Variants in FOXK2 observed in about 807,000 individuals in gnomAD.
The protein encoded by FOXK2 is forkhead box protein K2.
Under a neutral mutation model 53.3 loss-of-function variants are expected in FOXK2, and 24 were observed. The observed-to-expected ratio is 0.45, with a 90% CI of 0.33 to 0.63. The LOEUF is 0.63. FOXK2 is among the 30% of genes least tolerant of loss of function. The pLI, the probability that FOXK2 is intolerant of heterozygous loss-of-function variation, is 0.03. For synonymous variants in FOXK2, 505 were observed against 407.1 expected, an observed-to-expected ratio of 1.24 and a Z score of -2.89; for missense variants, 952 against 910.5, an observed-to-expected ratio of 1.05 and a Z score of -0.59.
At chr17:82,575,710 G>A (rs1456807602) in intron 4 of FOXK2, among the ~76,000 whole-genome samples, 3 of 152,174 alleles carry the variant, frequency 2.0e-5, no homozygotes, top group Non-Finnish European at 4.4e-5. Flanking sequence ...TGCTACAGCC[G>A]AGACAAGCTG....
At chr17:82,587,510 G>C in intron 8 of FOXK2, 1 of 544,750 alleles carries the variant, frequency 1.8e-6, no homozygotes, top group South Asian at 2.1e-5. Flanking sequence ...ACATTGAGAG[G>C]GAAAAATACT....
chr17:82,549,574 CA>C (rs2044656677), intron 1 of FOXK2, among the ~76,000 whole-genome samples: 1 of 152,054 alleles, frequency 6.6e-6, no homozygotes, highest in African/African-American at 2.4e-5. Flanking sequence ...AGATGGGGGG[CA>C]AAACCCCCCA....
intron 1 of FOXK2, among the ~76,000 whole-genome samples, chr17:82,555,018 G>A (rs1262805509): frequency 6.6e-6 from 1 of 152,198 alleles, no homozygotes; most frequent in Admixed American, 6.5e-5. Context: ...CAAAGTGCTG[G>A]GATTACAGGC....
intron 8 of FOXK2, chr17:82,599,742 C>A (rs1056637428): frequency 2.6e-4 from 39 of 152,370 alleles, no homozygotes; most frequent in African/African-American, 9.4e-4. Context: ...GACCTGGGGG[C>A]GGAGGTCGGT....
chr17:82,585,999 A>G lies in FOXK2; in HGVS notation c.1375A>G (p.Thr459Ala), dbSNP rs777948303. The G allele has an allele frequency of 6.3e-5, 102 of 1,612,638 alleles. No individual in the cohort carries two copies. The highest frequency in any genetic ancestry group is 1.6e-4 in the Middle Eastern group (1 of 6,084). The change falls in exon 7 of 9, where the codon ACC becomes GCC. Residue 459 changes from threonine to alanine, a missense_variant. Coordinates refer to ENST00000335255, the MANE Select transcript of FOXK2 (RefSeq NM_004514.4). ...PVTYTVATPV[T>A]TSTSQPPVVQ... ...CACCTACACTGTGGCCACCCCAGTG[A>G]CCACCTCGACCTCCCAGCCACCCGT... is the stretch of plus-strand genomic sequence containing the variant.
chr17:82,599,746 G>C (rs2045361853), intron 8 of FOXK2: 1 of 152,304 alleles, frequency 6.6e-6, no homozygotes, highest in Non-Finnish European at 1.5e-5. Context: ...TGGGGGCGGA[G>C]GTCGGTCTCT....
At chr17:82,550,882 A>G (rs1012451464) in intron 1 of FOXK2, among the ~76,000 whole-genome samples, 4 of 152,210 alleles carry the variant, frequency 2.6e-5, no homozygotes, top group African/African-American at 9.6e-5. Flanking sequence ...TTCTGTGTCA[A>G]AACTAGGTGG....
chr17:82,537,654 C>T (rs1057439105), intron 1 of FOXK2, among the ~76,000 whole-genome samples: 16 of 145,604 alleles, frequency 1.1e-4, no homozygotes, highest in African/African-American at 2.0e-4. Context: ...GCCAGGCACA[C>T]GGTGGCTTAT....
intron 8 of FOXK2, chr17:82,595,891 C>G (rs373098541): frequency 1.6e-6 from 2 of 1,283,772 alleles, no homozygotes; most frequent in South Asian, 2.5e-5. Flanking sequence ...GAGACAAGAG[C>G]AAAGCCTTTT....
At position 82,586,140 on chromosome 17, in the gene FOXK2, G is replaced by T. The variant is rs138291823; in HGVS notation, c.1516G>T (p.Ala506Ser). ...TGGACAAGCTGTGGTCACCCCGGCA[G>T]CCGTGCTGGCCCCTCCTAAGGCAGA... Reference protein sequence around the residue: ...VSGQAVVTPAAVLAPPKAEAQ... With the variant: ...VSGQAVVTPASVLAPPKAEAQ... Residue 506 changes from alanine (A) to serine (S), a missense_variant, in exon 7 of 9, where the codon GCC becomes TCC. Ala to Ser is a moderately conservative substitution (Grantham distance 99). Transcript: ENST00000335255. 1.7e-5 allele frequency: 28 copies of T among 1,612,642 alleles called. No homozygotes were observed. The highest frequency in any genetic ancestry group is 2.3e-5 in the Non-Finnish European group (27 of 1,179,922).
At chr17:82,531,867 T>G (rs189732851) in intron 1 of FOXK2, among the ~76,000 whole-genome samples, 7 of 152,090 alleles carry the variant, frequency 4.6e-5, no homozygotes, top group African/African-American at 1.7e-4. Flanking sequence ...TGAGAAGGAG[T>G]TTCGCTTTTG....
intron 2 of FOXK2, 140 bp downstream of exon 2, chr17:82,563,688 T>C (rs2044822604): frequency 4.2e-6 from 3 of 714,116 alleles, no homozygotes; most frequent in Non-Finnish European, 6.4e-6. Flanking sequence ...GGATTTCTGC[T>C]CTGAATTTCC....
chr17:82,596,233 C>A (rs1315853945), intron 8 of FOXK2: 1 of 987,066 alleles, frequency 1.0e-6, no homozygotes, highest in African/African-American at 1.7e-5. Flanking sequence ...GTCCCTTCTT[C>A]TTTTTCTTTC....
chr17:82,540,953 A>C (rs1359858692), intron 1 of FOXK2, among the ~76,000 whole-genome samples: 1 of 152,146 alleles, frequency 6.6e-6, no homozygotes, highest in Non-Finnish European at 1.5e-5. Flanking sequence ...TGACAGTGGC[A>C]TAGCTTGGAG....
chr17:82,601,483 AG>A lies in FOXK2; in HGVS notation c.1970del (p.Gly657ValfsTer44). 6.2e-7 allele frequency: 1 copy of A among 1,606,232 alleles called. No individual in the cohort carries two copies. Among genetic ancestry groups the A allele is most frequent in the Non-Finnish European group, 8.5e-7 (1 of 1,175,596 alleles). The stretch of plus-strand genomic sequence containing the variant: ...ACGCCACCGGCAGCCGTAAGGGAAA[AG>A]GGTGTCCAGAACTAGCGACCGGGAG... ...VDTPPAAVRE[K>X]GVQN On this transcript the variant is annotated frameshift_variant, in exon 9 of 9. Transcript: ENST00000335255. LOFTEE classifies it high-confidence loss of function.
At position 82,563,556 on chromosome 17, in the gene FOXK2, C is replaced by T; in HGVS notation, c.614+8C>T. 1 of 1,609,706 alleles carries T rather than the reference C, an allele frequency of 6.2e-7. No homozygotes were observed. Among genetic ancestry groups the T allele is most frequent in the Non-Finnish European group, 8.5e-7 (1 of 1,178,038 alleles). On this transcript the variant is annotated splice_region_variant and intron_variant, in intron 2 of 8. Transcript: ENST00000335255. ...CCCCACGGGAACCATCAGGTGCGGC[C>T]ATGGGGATGGGGGACTGGAGCATCC...
intron 7 of FOXK2, 100 bp from the exon 8 acceptor site, chr17:82,586,963 T>C: frequency 1.9e-6 from 2 of 1,053,524 alleles, no homozygotes; most frequent in Admixed American, 2.0e-5. Context: ...AGACATTTTC[T>C]AGCAGGTGTG....
At chr17:82,544,849 G>C (rs768796867) in intron 1 of FOXK2, among the ~76,000 whole-genome samples, 1 of 152,060 alleles carries the variant, frequency 6.6e-6, no homozygotes, top group Non-Finnish European at 1.5e-5. Flanking sequence ...TGTGTCTGCA[G>C]TGCTACTGTC....
At chr17:82,570,094 C>T (rs1248376854) in intron 3 of FOXK2, among the ~76,000 whole-genome samples, 4 of 151,754 alleles carry the variant, frequency 2.6e-5, no homozygotes, top group East Asian at 1.9e-4. Flanking sequence ...TGTTGGCAGG[C>T]GCCTGTAGTC....
Sources: allele counts gnomAD v4.1 joint callset (sites outside exome capture counted in the v4.1 genomes callset), GRCh38; gene constraint gnomAD v4.1.1; transcripts MANE v1.5; gene names NCBI Gene and HGNC (gene_info 2026-07-23, HGNC 2026-07-21).